The following HMMR variants were observed in gnomAD, a reference collection of about 807,000 sequenced individuals.
The protein encoded by HMMR is hyaluronan mediated motility receptor.
Under a neutral mutation model 101.0 loss-of-function variants are expected in HMMR, and 108 were observed. The ratio of observed to expected loss-of-function variants is 1.07; its 90% CI spans 0.92 to 1.25. The LOEUF is 1.25. Among genes scored for constraint, HMMR ranks in the 50% most tolerant of loss-of-function variants. The pLI is 0.00. For synonymous variants in HMMR, 296 were observed against 276.4 expected, an observed-to-expected ratio of 1.07 and a Z score of -0.70; for missense variants, 813 against 788.7, an observed-to-expected ratio of 1.03 and a Z score of -0.37.
chr5:163,469,740 A>T lies in HMMR; in HGVS notation c.373A>T (p.Arg125Trp), dbSNP rs769749840. Residue 125 changes from arginine to tryptophan, a missense_variant, in exon 5 of 18, where the codon AGG (arginine) becomes TGG (tryptophan). Physicochemically the swap from Arg to Trp is moderately radical, Grantham distance 101. Transcript: ENST00000393915. The stretch of plus-strand genomic sequence containing the variant: ...GGAAGCAAGGCTAAATGCTGCACTA[A>T]GGGAAAAAACATCTCTCTCTGCAAA... ...KMEARLNAAL[R>W]EKTSLSANNA... 1.2e-6 allele frequency: 2 copies of T among 1,613,578 alleles called. No homozygotes were observed. The highest frequency in any genetic ancestry group is 2.2e-5 in the South Asian group (2 of 91,066).
chr5:163,464,164 TTA>T (rs1311001123), intron 2 of HMMR, among the ~76,000 whole-genome samples: 1 of 152,206 alleles, frequency 6.6e-6, no homozygotes, highest in Non-Finnish European at 1.5e-5. Context: ...AGCAAGATAC[TTA>T]TATTGATATG....
At chr5:163,491,087 T>A in intron 17 of HMMR, 25 bp from the exon 18 acceptor site, 4 of 1,435,690 alleles carry the variant, frequency 2.8e-6, no homozygotes, top group Non-Finnish European at 3.8e-6. Context: ...AGATTACTAA[T>A]CCTTCTTTTC....
chr5:163,490,139 T>C (rs1759637185), intron 16 of HMMR, among the ~76,000 whole-genome samples: 1 of 152,168 alleles, frequency 6.6e-6, no homozygotes, highest in Non-Finnish European at 1.5e-5. Context: ...TACTTTTGAG[T>C]TGAACTTTTA....
intron 11 of HMMR, among the ~76,000 whole-genome samples, chr5:163,476,820 G>A (rs1759083359): frequency 6.6e-6 from 1 of 152,154 alleles, no homozygotes; most frequent in South Asian, 2.1e-4. Context: ...ACAAGGTCAG[G>A]AGTTCGAGAC....
chr5:163,480,662 A>G (rs1581197902), intron 12 of HMMR, among the ~76,000 whole-genome samples: 1 of 152,162 alleles, frequency 6.6e-6, no homozygotes, highest in Non-Finnish European at 1.5e-5. Context: ...GTTTCCATTT[A>G]TCTTCTTTGC....
At chr5:163,479,480 G>A (rs998438953) in intron 12 of HMMR, among the ~76,000 whole-genome samples, 2 of 151,988 alleles carry the variant, frequency 1.3e-5, no homozygotes, top group Non-Finnish European at 2.9e-5. Flanking sequence ...AGACCAGCCT[G>A]GGCAATAGAG....
In HMMR at chr5:163,473,509, C is replaced by T. The variant is rs186611419; in HGVS notation, c.856C>T (p.Gln286Ter). Residue 286 changes from glutamine to a stop codon, truncating the protein, a stop_gained, in exon 9 of 18, where the codon CAA (glutamine) becomes TAA (stop). Transcript: ENST00000393915. LOFTEE classifies it high-confidence loss of function. ...GGAGAATATTGTTATATTATCTAAA[C>T]AAGTAGAAGATCTAAATGTGAAATG... ...LEENIVILSK[Q>*]VEDLNVKCQL... 9 of 1,588,738 alleles carry T rather than the reference C, an allele frequency of 5.7e-6. No homozygotes were observed. The highest frequency in any genetic ancestry group is 1.7e-4 in the Middle Eastern group (1 of 6,006).
Position 163,471,282 on chromosome 5 carries a change from C to T in HMMR, c.549+11C>T. On this transcript the variant is annotated intron_variant, in intron 6 of 17. Transcript: ENST00000393915. ...GAAACAAAGATGAGGGTGAGTGCTG[C>T]CCTTGGCAGGTTTGCTGTGTCTGGA... 6.2e-7 allele frequency: 1 copy of T among 1,608,226 alleles called. No individual in the cohort carries two copies.
intron 12 of HMMR, among the ~76,000 whole-genome samples, chr5:163,479,636 C>G (rs1292524568): frequency 1.3e-5 from 2 of 152,200 alleles, no homozygotes; most frequent in Non-Finnish European, 2.9e-5. Flanking sequence ...GCGCTCCAGC[C>G]TGGGTGACAG....
rs886149225 is a variant in HMMR at position 163,474,716 on chromosome 5, A to T, written c.1053+511A>T. The T allele has an allele frequency of 1.5e-5, 6 of 394,422 alleles. No individual in the cohort carries two copies. In the Admixed American group the frequency reaches 2.1e-4, roughly 14 times the overall value. 24.4% of individuals were successfully genotyped at this position (394,422 alleles called of 1,614,324 possible). On this transcript the variant is annotated intron_variant, in intron 10 of 17. Transcript: ENST00000393915. ...AGGAAGTAGAAATAATATTTTTTTC[A>T]CTTACAAAATTGGCACAAATTAAAA...
intron 16 of HMMR, among the ~76,000 whole-genome samples, chr5:163,485,369 C>T (rs1759442416): frequency 6.6e-6 from 1 of 152,174 alleles, no homozygotes; most frequent in Non-Finnish European, 1.5e-5. Flanking sequence ...TTATCCTAGC[C>T]ATTGTAGTGG....
At chr5:163,488,246 G>A (rs1432741042) in intron 16 of HMMR, among the ~76,000 whole-genome samples, 1 of 152,096 alleles carries the variant, frequency 6.6e-6, no homozygotes, top group East Asian at 1.9e-4. Context: ...TGATACTGAG[G>A]TTTAGGGTAT....
chr5:163,482,362 T>G (rs913884179), intron 12 of HMMR, among the ~76,000 whole-genome samples: 10 of 152,198 alleles, frequency 6.6e-5, no homozygotes, highest in African/African-American at 2.2e-4. Flanking sequence ...AAATTGTGAG[T>G]AATTTTCATG....
chr5:163,481,431 C>T (rs1045087226), intron 12 of HMMR, among the ~76,000 whole-genome samples: 2 of 152,036 alleles, frequency 1.3e-5, no homozygotes, highest in Middle Eastern at 3.2e-3. Flanking sequence ...TCCATATACT[C>T]GTGGCATTAA....
Position 163,476,096 on chromosome 5 carries a change from T to C in HMMR, c.1268+424T>C, listed in dbSNP as rs570957448. Among the ~76,000 whole-genome samples the C allele has an allele frequency of 7.9e-5, 12 of 152,212 alleles. No individual in the cohort carries two copies. In the South Asian group the frequency reaches 1.5e-3, roughly 18 times the overall value. ...GGGATGCCAAGGTGAGAGGACTGCT[T>C]GAGCTCAGGAGTTTGAGACCAGCCT... On this transcript the variant is annotated intron_variant, in intron 11 of 17. Transcript: ENST00000393915.
chr5:163,478,613 A>G (rs1446634089), intron 11 of HMMR, 71 bp from the exon 12 acceptor site: 1 of 870,352 alleles, frequency 1.1e-6, no homozygotes, highest in Non-Finnish European at 2.0e-6. Context: ...TTTCAAAGGT[A>G]AATACTATTT....
chr5:163,463,519 C>G (rs1327681266), intron 1 of HMMR, among the ~76,000 whole-genome samples: 3 of 152,180 alleles, frequency 2.0e-5, no homozygotes, highest in African/African-American at 4.8e-5. Context: ...ATCTTTGTGA[C>G]TCTCTTCGAG....
chr5:163,467,049 T>C (rs141622801), intron 3 of HMMR, among the ~76,000 whole-genome samples: 1,529 of 152,258 alleles, frequency 0.01, 16 homozygotes, highest in Middle Eastern at 0.031. Context: ...AGTGTGAAAT[T>C]AATAAACATG....
At chr5:163,467,787 T>C (rs915335596) in intron 4 of HMMR, 39 bp downstream of exon 4, 2 of 1,216,158 alleles carry the variant, frequency 1.6e-6, no homozygotes, top group Non-Finnish European at 2.4e-6. Flanking sequence ...GTACACATGA[T>C]AGAAAGAGAG....
Sources: allele counts gnomAD v4.1 joint callset (sites outside exome capture counted in the v4.1 genomes callset), GRCh38; gene constraint gnomAD v4.1.1; transcripts MANE v1.5; gene names NCBI Gene and HGNC (gene_info 2026-07-23, HGNC 2026-07-21).